SYNPR: variants seen among roughly 807,000 people sequenced by gnomAD.
SYNPR encodes synaptoporin.
Under a neutral mutation model 32.9 loss-of-function variants are expected in SYNPR, and 23 were observed. The ratio of observed to expected loss-of-function variants is 0.70; its 90% CI spans 0.50 to 0.99. The LOEUF (loss-of-function observed/expected upper bound fraction) is 0.99, where lower values mean the gene tolerates loss of function less well. SYNPR is among the 50% of genes least tolerant of loss of function. The probability of loss-of-function intolerance (pLI) is 0.00; values close to 1 mark genes in which losing one functional copy is unlikely to be tolerated. For synonymous variants in SYNPR, 146 were observed against 135.9 expected, an observed-to-expected ratio of 1.07 and a Z score of -0.52; for missense variants, 318 against 349.3, an observed-to-expected ratio of 0.91 and a Z score of 0.71.
chr3:63,468,672 A>C (rs1700735313), intron 2 of SYNPR, among the ~76,000 whole-genome samples: 1 of 152,004 alleles, frequency 6.6e-6, no homozygotes, highest in Non-Finnish European at 1.5e-5. Flanking sequence ...GTGGTGGTGC[A>C]TGTTTGTAAT....
chr3:63,439,727 T>G (rs1417431970), intron 2 of SYNPR, among the ~76,000 whole-genome samples: 1 of 152,248 alleles, frequency 6.6e-6, no homozygotes, highest in Non-Finnish European at 1.5e-5. Flanking sequence ...GTTCTTTGAA[T>G]GAAGAGGTAA....
chr3:63,601,227 C>G (rs188076191), intron 4 of SYNPR, among the ~76,000 whole-genome samples: 58 of 150,940 alleles, frequency 3.8e-4, no homozygotes, highest in African/African-American at 1.3e-3. Flanking sequence ...GAGCCGAGAT[C>G]GTGCCATTGC....
chr3:63,498,908 G>A (rs61734401), intron 3 of SYNPR, among the ~76,000 whole-genome samples: 136 of 143,988 alleles, frequency 9.4e-4, no homozygotes, highest in African/African-American at 3.4e-3. Context: ...GTGCCCAGCA[G>A]TTCAAGACCA....
chr3:63,294,718 T>A (rs1392953962), intron 2 of SYNPR, among the ~76,000 whole-genome samples: 1 of 152,108 alleles, frequency 6.6e-6, no homozygotes, highest in African/African-American at 2.4e-5. Context: ...TTGTTATAAA[T>A]CTTTCATAAG....
intron 2 of SYNPR, among the ~76,000 whole-genome samples, chr3:63,380,278 G>T (rs1479203891): frequency 6.6e-6 from 1 of 152,102 alleles, no homozygotes; most frequent in East Asian, 1.9e-4. Context: ...CTTCCACAAT[G>T]GTTAAACTAG....
At chr3:63,475,038 C>A (rs1458181538) in intron 2 of SYNPR, among the ~76,000 whole-genome samples, 1 of 152,168 alleles carries the variant, frequency 6.6e-6, no homozygotes, top group Non-Finnish European at 1.5e-5. Flanking sequence ...GAGCTGCTTG[C>A]CCTTTTCCCA....
chr3:63,356,469 A>T (rs2087579299), intron 2 of SYNPR, among the ~76,000 whole-genome samples: 1 of 152,262 alleles, frequency 6.6e-6, no homozygotes, highest in Non-Finnish European at 1.5e-5. Context: ...GACCCTATTA[A>T]GATTCTGTTG....
intron 3 of SYNPR, among the ~76,000 whole-genome samples, chr3:63,485,841 C>A (rs986396337): frequency 1.3e-5 from 2 of 152,064 alleles, no homozygotes; most frequent in African/African-American, 4.8e-5. Context: ...ATATAGGGAA[C>A]AACAGAAGAT....
chr3:63,256,985 T>A (rs1045877100), intron 2 of SYNPR, among the ~76,000 whole-genome samples: 2 of 151,880 alleles, frequency 1.3e-5, no homozygotes, highest in African/African-American at 4.8e-5. Context: ...GAAGATCAAA[T>A]GAATGAAATG....
intron 2 of SYNPR, among the ~76,000 whole-genome samples, chr3:63,298,181 T>C (rs913853761): frequency 1.3e-5 from 2 of 152,160 alleles, no homozygotes; most frequent in African/African-American, 2.4e-5. Context: ...ATTCCTCCAA[T>C]TGTTGGTTTG....
chr3:63,488,275 G>T (rs1358176634), intron 3 of SYNPR, among the ~76,000 whole-genome samples: 1 of 152,070 alleles, frequency 6.6e-6, no homozygotes, highest in African/African-American at 2.4e-5. Context: ...ATTACCAAAG[G>T]GTTTCACTCT....
intron 3 of SYNPR, among the ~76,000 whole-genome samples, chr3:63,504,173 C>T (rs1701540698): frequency 1.3e-5 from 2 of 152,124 alleles, no homozygotes; most frequent in South Asian, 4.2e-4. Context: ...TTATCATATA[C>T]ATCTATGCAT....
At chr3:63,523,639 C>T (rs1701953134) in intron 3 of SYNPR, among the ~76,000 whole-genome samples, 1 of 152,154 alleles carries the variant, frequency 6.6e-6, no homozygotes. Context: ...GCCACTCATG[C>T]TTCTTGGGGA....
At chr3:63,223,730 T>A (rs759921593), upstream of SYNPR, among the ~76,000 whole-genome samples, 2 of 152,262 alleles carry the variant, frequency 1.3e-5, no homozygotes, top group Admixed American at 6.5e-5. Context: ...TTAAAAGGAC[T>A]GCCCCCCTCT....
At chr3:63,452,183 G>A (rs1264883061) in intron 2 of SYNPR, 5 of 679,078 alleles carry the variant, frequency 7.4e-6, no homozygotes, top group Non-Finnish European at 1.3e-5. Flanking sequence ...TGCATTCTAT[G>A]TAATACTGAG....
intron 1 of SYNPR, chr3:63,252,471 G>C (rs939757476): frequency 2.0e-5 from 3 of 152,146 alleles, no homozygotes; most frequent in African/African-American, 4.8e-5. Context: ...ATCTGCCAGA[G>C]AGAATTAATT....
chr3:63,238,328 T>G (rs768866683), intron 1 of SYNPR, among the ~76,000 whole-genome samples: 3 of 152,164 alleles, frequency 2.0e-5, no homozygotes, highest in Non-Finnish European at 4.4e-5. Context: ...AGAAAGAAAC[T>G]CAGTTTGAAC....
chr3:63,337,799 T>C (rs2087313960), intron 2 of SYNPR, among the ~76,000 whole-genome samples: 2 of 152,076 alleles, frequency 1.3e-5, no homozygotes, highest in South Asian at 4.2e-4. Context: ...TAAATGACAT[T>C]CTGGAAAAGG....
chr3:63,505,362 C>G (rs1159749235), intron 3 of SYNPR, among the ~76,000 whole-genome samples: 1 of 152,160 alleles, frequency 6.6e-6, no homozygotes, highest in Non-Finnish European at 1.5e-5. Flanking sequence ...CCTCAAATAC[C>G]TGGCTCCAAA....
Sources: gnomAD v4.1 joint callset for allele counts (sites outside exome capture counted in the v4.1 genomes callset) on GRCh38, gnomAD v4.1.1 for gene constraint, MANE v1.5 for transcripts, NCBI Gene and HGNC (gene_info 2026-07-23, HGNC 2026-07-21) for gene names.